The following ANKS1B variants were observed in gnomAD, a reference collection of about 807,000 sequenced individuals.
ANKS1B encodes ankyrin repeat and sterile alpha motif domain containing 1B.
In ANKS1B, 36 loss-of-function variants were observed where a neutral mutation model predicts 148.3. That is an observed-to-expected ratio of 0.24 (90% CI 0.19 to 0.32). The LOEUF is 0.32. Among genes scored for constraint, ANKS1B ranks in the 10% least tolerant of loss-of-function variants. The pLI is 1.00. For missense variants in ANKS1B, 1,157 were observed against 1,542.6 expected, an observed-to-expected ratio of 0.75 and a Z score of 4.19; for synonymous variants, 542 against 560.8, an observed-to-expected ratio of 0.97 and a Z score of 0.47.
chr12:98,860,898 G>T lies in ANKS1B; in HGVS notation c.2779-28762C>A, dbSNP rs1672455. Among the ~76,000 whole-genome samples the T allele has an allele frequency of 3.3e-5, 5 of 152,222 alleles. No homozygotes were observed. In the East Asian group the frequency reaches 9.6e-4, roughly 29 times the overall value. ...AAACTAAAATTAAAAAAAAGAAAAA[G>T]ACTTCCTCAGTTTTTTCTCTAATGG... is the stretch of plus-strand genomic sequence containing the variant. On this transcript the variant is annotated intron_variant, in intron 17 of 26. Transcript: ENST00000683438.
intron 14 of ANKS1B, among the ~76,000 whole-genome samples, chr12:99,208,132 G>C (rs1286533577): frequency 6.6e-6 from 1 of 152,028 alleles, no homozygotes; most frequent in Non-Finnish European, 1.5e-5. Flanking sequence ...AGAAAGCAAA[G>C]AGTCTGTACT....
chr12:99,642,980 T>C (rs1220306537), intron 9 of ANKS1B, among the ~76,000 whole-genome samples: 4 of 151,810 alleles, frequency 2.6e-5, no homozygotes, highest in East Asian at 2.0e-4. Context: ...CATAATTACA[T>C]TGGGCACACA....
intron 9 of ANKS1B, among the ~76,000 whole-genome samples, chr12:99,507,573 A>C (rs1297638961): frequency 6.6e-6 from 1 of 151,764 alleles, no homozygotes; most frequent in East Asian, 1.9e-4. Flanking sequence ...GGAAAGAAAA[A>C]ATATTTTAAA....
intron 17 of ANKS1B, among the ~76,000 whole-genome samples, chr12:99,005,603 C>T (rs965202858): frequency 6.6e-6 from 1 of 152,120 alleles, no homozygotes; most frequent in Non-Finnish European, 1.5e-5. Context: ...CTCCTTTTCC[C>T]TCTCGATTGC....
rs537273563 is a variant in ANKS1B at position 99,779,539 on chromosome 12, A to G, written c.847+332T>C. Among the ~76,000 whole-genome samples the G allele has an allele frequency of 4.6e-5, 7 of 152,304 alleles. No individual in the cohort carries two copies. In the South Asian group the frequency reaches 1.4e-3, roughly 32 times the overall value. ...ATGCTGAAAGTATTATTCAAATGTG[A>G]AATAACACTTAATCATCACTACTTT... On this transcript the variant is annotated intron_variant, in intron 6 of 26. Coordinates refer to ENST00000683438, the MANE Select transcript of ANKS1B (RefSeq NM_001352186.2).
At chr12:98,772,579 T>C (rs2098601204) in intron 25 of ANKS1B, among the ~76,000 whole-genome samples, 1 of 152,228 alleles carries the variant, frequency 6.6e-6, no homozygotes, top group South Asian at 2.1e-4. Flanking sequence ...GGAACTCCCA[T>C]TTATAAAACC....
Position 99,616,031 on chromosome 12 carries a change from C to T in ANKS1B, c.1272+39036G>A, listed in dbSNP as rs181957814. On this transcript the variant is annotated intron_variant, in intron 9 of 26. Transcript: ENST00000683438. Reference sequence around the variant, plus strand: ...AGAGAGCCAAATCATGAGTGAACTCCGATTCACAACTGCCACAAAGAGAAT... The same window carrying T: ...AGAGAGCCAAATCATGAGTGAACTCTGATTCACAACTGCCACAAAGAGAAT... Among the ~76,000 whole-genome samples, 534 of 152,064 alleles carry T rather than the reference C, an allele frequency of 3.5e-3. 1 individual carries two copies. Among genetic ancestry groups the T allele is most frequent in the Middle Eastern group, 3.4e-3 (1 of 294 alleles).
At chr12:99,488,406 T>C (rs1278934170) in intron 10 of ANKS1B, among the ~76,000 whole-genome samples, 2 of 152,214 alleles carry the variant, frequency 1.3e-5, no homozygotes, top group Admixed American at 1.3e-4. Flanking sequence ...ATTGTTGCTT[T>C]ATTCTTTTAG....
chr12:99,895,426 C>CGTGTGT (rs3054221), intron 1 of ANKS1B, among the ~76,000 whole-genome samples: 2 of 148,948 alleles, frequency 1.3e-5, no homozygotes, highest in African/African-American at 4.9e-5. Context: ...ACCCCCAACC[C>CGTGTGT]GTGTGTGTGT....
chr12:98,889,496 C>T (rs1187783212), intron 17 of ANKS1B, among the ~76,000 whole-genome samples: 8 of 152,182 alleles, frequency 5.3e-5, no homozygotes, highest in South Asian at 2.1e-4. Context: ...TACAGGCACC[C>T]GCCACCACAT....
intron 14 of ANKS1B, among the ~76,000 whole-genome samples, chr12:99,173,077 G>A (rs1310592901): frequency 1.3e-5 from 2 of 152,104 alleles, no homozygotes; most frequent in Non-Finnish European, 2.9e-5. Flanking sequence ...GGAAACTCTG[G>A]TTCAGTTTTT....
chr12:99,729,889 C>A (rs1316158745), intron 8 of ANKS1B, among the ~76,000 whole-genome samples: 1 of 152,042 alleles, frequency 6.6e-6, no homozygotes, highest in Non-Finnish European at 1.5e-5. Context: ...TCCCTTTTTG[C>A]ATATAAGTTT....
At chr12:99,652,939 T>C (rs2098430765) in intron 9 of ANKS1B, among the ~76,000 whole-genome samples, 1 of 152,110 alleles carries the variant, frequency 6.6e-6, no homozygotes, top group Non-Finnish European at 1.5e-5. Context: ...AAATGAAAAA[T>C]AGGATTGAGA....
intron 12 of ANKS1B, among the ~76,000 whole-genome samples, chr12:99,350,170 C>G (rs928347710): frequency 6.6e-6 from 1 of 151,908 alleles, no homozygotes; most frequent in African/African-American, 2.4e-5. Context: ...AGCACCTCCC[C>G]CTTCTTTCTC....
At chr12:99,347,460 G>T (rs548607336) in intron 12 of ANKS1B, among the ~76,000 whole-genome samples, 1 of 152,100 alleles carries the variant, frequency 6.6e-6, no homozygotes, top group Non-Finnish European at 1.5e-5. Flanking sequence ...AGCAGGAAAT[G>T]AAGTTGAAGG....
At chr12:99,164,409 A>G (rs2076998613) in intron 14 of ANKS1B, among the ~76,000 whole-genome samples, 1 of 151,946 alleles carries the variant, frequency 6.6e-6, no homozygotes, top group South Asian at 2.1e-4. Flanking sequence ...TTATTTATTT[A>G]CATTGTTGTT....
chr12:99,665,958 C>G lies in ANKS1B; in HGVS notation c.1129-10748G>C, dbSNP rs145464351. ...AAGATTTTTGCTTTTACATTTTGAT[C>G]TTTGTTCTATATTGAGTTAATTTTC... is the stretch of plus-strand genomic sequence containing the variant. On this transcript the variant is annotated intron_variant, in intron 8 of 26. Coordinates refer to ENST00000683438, the MANE Select transcript of ANKS1B (RefSeq NM_001352186.2). 7.4e-4 allele frequency among the ~76,000 whole-genome samples: 112 copies of G among 152,044 alleles called. 2 individuals carry two copies. The East Asian group carries it at 0.021, about 29-fold the overall frequency.
chr12:99,149,095 T>G (rs2074129895), intron 15 of ANKS1B, among the ~76,000 whole-genome samples: 1 of 152,116 alleles, frequency 6.6e-6, no homozygotes, highest in African/African-American at 2.4e-5. Context: ...TCTCACCTTT[T>G]AAGGACAATT....
chr12:98,897,744 A>T (rs993991764), intron 17 of ANKS1B, among the ~76,000 whole-genome samples: 2 of 152,308 alleles, frequency 1.3e-5, no homozygotes, highest in Non-Finnish European at 2.9e-5. Flanking sequence ...ATAAATTGTT[A>T]TATCAAGAAG....
Sources: gnomAD v4.1 joint callset for allele counts (sites outside exome capture counted in the v4.1 genomes callset) on GRCh38, gnomAD v4.1.1 for gene constraint, MANE v1.5 for transcripts, NCBI Gene and HGNC (gene_info 2026-07-23, HGNC 2026-07-21) for gene names.